Variants in OSBPL10 observed in about 807,000 individuals in gnomAD.
OSBPL10 encodes oxysterol binding protein like 10, also known as oxysterol-binding protein-related protein 10.
Under a neutral mutation model 81.7 loss-of-function variants are expected in OSBPL10, and 49 were observed. That is an observed-to-expected ratio of 0.60 (90% CI 0.48 to 0.76). The LOEUF (loss-of-function observed/expected upper bound fraction) is 0.76, where lower values mean the gene tolerates loss of function less well. OSBPL10 is among the 30% of genes least tolerant of loss of function. The pLI, the probability that OSBPL10 is intolerant of heterozygous loss-of-function variation, is 0.00. For synonymous variants in OSBPL10, 419 were observed against 383.6 expected (o/e 1.09, Z -1.08); for missense variants, 923 against 987.8 (o/e 0.93, Z 0.88).
At chr3:32,071,769 C>G (rs961051782) in intron 1 of OSBPL10, among the ~76,000 whole-genome samples, 8 of 152,352 alleles carry the variant, frequency 5.3e-5, no homozygotes, top group Admixed American at 3.9e-4. Flanking sequence ...TGTTGTGTCT[C>G]CCACAGTTAC....
At chr3:32,029,971 C>G (rs966691237) in intron 2 of OSBPL10, among the ~76,000 whole-genome samples, 25 of 152,134 alleles carry the variant, frequency 1.6e-4, no homozygotes, top group African/African-American at 5.3e-4. Flanking sequence ...TTAAAAGTAG[C>G]TTGTAAACCA....
intron 6 of OSBPL10, among the ~76,000 whole-genome samples, chr3:31,712,352 C>G (rs1033748612): frequency 6.6e-6 from 1 of 152,220 alleles, no homozygotes; most frequent in African/African-American, 2.4e-5. Flanking sequence ...TTCCCGGAAC[C>G]TGTGTATACG....
intron 4 of OSBPL10, among the ~76,000 whole-genome samples, chr3:31,749,117 GT>G: frequency 6.6e-6 from 1 of 152,280 alleles, no homozygotes; most frequent in South Asian, 2.1e-4. Flanking sequence ...CACAAAAGCT[GT>G]TTTTATTTGA....
At chr3:31,697,027 A>G (rs1695741177) in intron 7 of OSBPL10, among the ~76,000 whole-genome samples, 3 of 152,188 alleles carry the variant, frequency 2.0e-5, no homozygotes, top group African/African-American at 7.2e-5. Flanking sequence ...AATGAACCAC[A>G]CCTCCTGGAA....
At chr3:31,969,768 T>C (rs1442251503) in intron 1 of OSBPL10, among the ~76,000 whole-genome samples, 1 of 151,672 alleles carries the variant, frequency 6.6e-6, no homozygotes, top group Non-Finnish European at 1.5e-5. Context: ...GGCAGGAGAA[T>C]AGCTTGAACC....
At chr3:31,935,567 A>G (rs1697361998) in intron 1 of OSBPL10, among the ~76,000 whole-genome samples, 1 of 149,020 alleles carries the variant, frequency 6.7e-6, no homozygotes, top group African/African-American at 2.5e-5. Flanking sequence ...CTTTTCGCCC[A>G]GGCTGGAGTG....
At chr3:32,042,870 G>A (rs920293745) in intron 2 of OSBPL10, among the ~76,000 whole-genome samples, 3 of 152,028 alleles carry the variant, frequency 2.0e-5, no homozygotes, top group African/African-American at 7.2e-5. Context: ...TCCTGATAAG[G>A]GTCCAAAGAT....
At chr3:31,960,751 C>G (rs768233674) in intron 1 of OSBPL10, among the ~76,000 whole-genome samples, 1 of 152,136 alleles carries the variant, frequency 6.6e-6, no homozygotes, top group South Asian at 2.1e-4. Context: ...ACTTCTCCCT[C>G]AAGGCCATCA....
At chr3:31,714,391 T>C (rs1696365245) in intron 6 of OSBPL10, among the ~76,000 whole-genome samples, 1 of 151,794 alleles carries the variant, frequency 6.6e-6, no homozygotes, top group African/African-American at 2.4e-5. Context: ...GGCGCAGTAA[T>C]CAGAGGGGAG....
intron 5 of OSBPL10, among the ~76,000 whole-genome samples, chr3:31,741,148 T>C (rs1007690110): frequency 6.6e-6 from 1 of 152,308 alleles, no homozygotes; most frequent in Admixed American, 6.5e-5. Context: ...TCAGTAAACA[T>C]AAAATGGTTT....
chr3:31,861,992 G>A (rs977756391), intron 3 of OSBPL10, among the ~76,000 whole-genome samples: 4 of 152,046 alleles, frequency 2.6e-5, no homozygotes, highest in Non-Finnish European at 5.9e-5. Flanking sequence ...AGTGGCTCAG[G>A]GCTCTGAGCC....
intron 4 of OSBPL10, among the ~76,000 whole-genome samples, chr3:31,761,066 A>G (rs1221063093): frequency 6.6e-6 from 1 of 151,854 alleles, no homozygotes; most frequent in African/African-American, 2.4e-5. Flanking sequence ...CTGCCCTATC[A>G]CTCTCCAACA....
chr3:31,705,372 A>ACCCCCCCCC (rs3840254), intron 6 of OSBPL10, among the ~76,000 whole-genome samples: 27 of 130,552 alleles, frequency 2.1e-4, no homozygotes, highest in African/African-American at 3.8e-4. Context: ...CAAAGAGAAG[A>ACCCCCCCCC]CCCCCCCCCC....
At chr3:32,054,025 G>A (rs932278992) in intron 1 of OSBPL10, among the ~76,000 whole-genome samples, 2 of 152,136 alleles carry the variant, frequency 1.3e-5, no homozygotes, top group Non-Finnish European at 2.9e-5. Context: ...TTTTGAATAA[G>A]CTACAGGAAA....
chr3:31,823,287 T>C (rs1700023410), intron 4 of OSBPL10, among the ~76,000 whole-genome samples: 1 of 152,238 alleles, frequency 6.6e-6, no homozygotes, highest in Non-Finnish European at 1.5e-5. Context: ...AACGAGTCCT[T>C]AATTCAATTT....
intron 1 of OSBPL10, among the ~76,000 whole-genome samples, chr3:31,978,806 C>G (rs1203213313): frequency 6.6e-6 from 1 of 152,184 alleles, no homozygotes; most frequent in Non-Finnish European, 1.5e-5. Context: ...ACCTAGGTAG[C>G]CTGCTATCAC....
At chr3:31,744,268 C>T (rs1359220652) in intron 5 of OSBPL10, among the ~76,000 whole-genome samples, 3 of 152,048 alleles carry the variant, frequency 2.0e-5, no homozygotes, top group African/African-American at 7.2e-5. Flanking sequence ...TAGCCAGGTG[C>T]GGTGGCTCAC....
intron 1 of OSBPL10, among the ~76,000 whole-genome samples, chr3:31,939,423 A>G (rs6763674): frequency 0.65 from 97,989 of 150,458 alleles, 33,567 homozygotes; most frequent in African/African-American, 0.87. Flanking sequence ...GATTACAGGC[A>G]TGAGTCACCA....
intron 4 of OSBPL10, among the ~76,000 whole-genome samples, chr3:31,775,438 C>T (rs1698522956): frequency 6.6e-6 from 1 of 151,842 alleles, no homozygotes; most frequent in Non-Finnish European, 1.5e-5. Context: ...CCTGGAGAAA[C>T]CTAGGAAAAG....
Sources: allele counts gnomAD v4.1 joint callset (sites outside exome capture counted in the v4.1 genomes callset), GRCh38; gene constraint gnomAD v4.1.1; transcripts MANE v1.5; gene names NCBI Gene and HGNC (gene_info 2026-07-23, HGNC 2026-07-21).